Variants in HOMER2 observed in about 807,000 individuals in gnomAD.
The protein encoded by HOMER2 is homer protein homolog 2.
Under a neutral mutation model 47.0 loss-of-function variants are expected in HOMER2, and 27 were observed. The observed-to-expected ratio is 0.57, with a 90% CI of 0.42 to 0.79. The LOEUF (loss-of-function observed/expected upper bound fraction) is 0.79. Ranked by LOEUF, HOMER2 falls within the 30% of genes least tolerant of loss-of-function variation. The pLI is 0.00. For synonymous variants in HOMER2, 161 were observed against 163.8 expected (o/e 0.98, Z 0.13); for missense variants, 443 against 435.0 (o/e 1.02, Z -0.16).
intron 3 of HOMER2, among the ~76,000 whole-genome samples, chr15:82,873,369 A>C (rs1311857970): frequency 1.3e-5 from 2 of 152,170 alleles, no homozygotes; most frequent in African/African-American, 2.4e-5. Context: ...GTCCCACATG[A>C]CACTGCTTCA....
At chr15:82,903,262 G>A (rs1165324241) in intron 1 of HOMER2, among the ~76,000 whole-genome samples, 3 of 152,116 alleles carry the variant, frequency 2.0e-5, no homozygotes, top group African/African-American at 7.2e-5. Flanking sequence ...ATGGCGTCGG[G>A]AGCATTTCCA....
intron 1 of HOMER2, among the ~76,000 whole-genome samples, chr15:82,905,602 A>G (rs1248457189): frequency 6.6e-6 from 1 of 152,248 alleles, no homozygotes; most frequent in East Asian, 1.9e-4. Flanking sequence ...CTACAAAGGA[A>G]CAAAGATAAG....
chr15:82,880,154 A>G (rs1238756033), intron 2 of HOMER2, among the ~76,000 whole-genome samples: 8 of 152,218 alleles, frequency 5.3e-5, no homozygotes, highest in Admixed American at 4.6e-4. Flanking sequence ...TTTTGTAATT[A>G]AAGTTTTATT....
At chr15:82,875,516 C>T in intron 2 of HOMER2, 112 bp from the exon 3 acceptor site, 1 of 1,170,182 alleles carries the variant, frequency 8.5e-7, no homozygotes, top group Non-Finnish European at 1.2e-6. Flanking sequence ...ATCCTCTGCC[C>T]TGTTAAATTT....
intron 2 of HOMER2, among the ~76,000 whole-genome samples, chr15:82,878,565 A>AT (rs1261154349): frequency 6.6e-6 from 1 of 152,176 alleles, no homozygotes; most frequent in Non-Finnish European, 1.5e-5. Flanking sequence ...CTCCATGAAT[A>AT]TTGCTTCCGC....
chr15:82,976,364 C>CTT (rs934619158), intron 1 of HOMER2, among the ~76,000 whole-genome samples: 1 of 152,058 alleles, frequency 6.6e-6, no homozygotes, highest in African/African-American at 2.4e-5. Context: ...GTGGTGCAAT[C>CTT]TCAGCTCATT....
At chr15:82,896,873 G>A (rs2052939701) in intron 1 of HOMER2, among the ~76,000 whole-genome samples, 1 of 152,038 alleles carries the variant, frequency 6.6e-6, no homozygotes, top group Admixed American at 6.6e-5. Flanking sequence ...AAAAAGAAAG[G>A]CAAGGAGAAG....
At chr15:82,895,864 G>C (rs1268271490) in intron 1 of HOMER2, among the ~76,000 whole-genome samples, 1 of 152,156 alleles carries the variant, frequency 6.6e-6, no homozygotes, top group East Asian at 1.9e-4. Flanking sequence ...CTTGAACCTG[G>C]CTCTCCAAGG....
intron 1 of HOMER2, among the ~76,000 whole-genome samples, chr15:82,943,393 G>A (rs1213509474): frequency 6.6e-6 from 1 of 152,138 alleles, no homozygotes; most frequent in Non-Finnish European, 1.5e-5. Context: ...CCACTTGGAG[G>A]AGTTAGAGAG....
intron 1 of HOMER2, among the ~76,000 whole-genome samples, chr15:82,984,091 G>A (rs2030497725): frequency 6.7e-6 from 1 of 149,018 alleles, no homozygotes. Flanking sequence ...GGAGTGCAGT[G>A]GCGCAATCTC....
At chr15:82,962,667 ACT>A (rs1455217897) in intron 1 of HOMER2, among the ~76,000 whole-genome samples, 1 of 151,872 alleles carries the variant, frequency 6.6e-6, no homozygotes, top group East Asian at 1.9e-4. Flanking sequence ...ACAGAGTGAG[ACT>A]CTGTCTCAAA....
chr15:82,969,057 C>A (rs2029897110), intron 1 of HOMER2, among the ~76,000 whole-genome samples: 1 of 152,178 alleles, frequency 6.6e-6, no homozygotes, highest in Non-Finnish European at 1.5e-5. Flanking sequence ...AAGGGATTCT[C>A]ATTGAGGAAA....
intron 2 of HOMER2, among the ~76,000 whole-genome samples, chr15:82,876,329 TATTC>T (rs922271898): frequency 3.3e-5 from 5 of 152,256 alleles, no homozygotes; most frequent in Non-Finnish European, 7.3e-5. Flanking sequence ...ATGGTACTTT[TATTC>T]ATTCAAACAT....
chr15:82,847,646 C>T (rs1253962100), downstream of HOMER2, among the ~76,000 whole-genome samples: 3 of 152,212 alleles, frequency 2.0e-5, no homozygotes, highest in African/African-American at 7.2e-5. Context: ...ATGCATGTCA[C>T]CTGAGCATTC....
At chr15:82,872,164 G>C (rs1012874493) in intron 3 of HOMER2, among the ~76,000 whole-genome samples, 1 of 152,172 alleles carries the variant, frequency 6.6e-6, no homozygotes, top group African/African-American at 2.4e-5. Flanking sequence ...GACCACTTCA[G>C]GAGGGAAAGA....
At chr15:82,920,104 G>A (rs965491581) in intron 1 of HOMER2, among the ~76,000 whole-genome samples, 1 of 152,130 alleles carries the variant, frequency 6.6e-6, no homozygotes, top group African/African-American at 2.4e-5. Context: ...ATGCTTCTGA[G>A]GCCCATTCAT....
intron 1 of HOMER2, among the ~76,000 whole-genome samples, chr15:82,917,887 T>C (rs1404069042): frequency 6.6e-6 from 1 of 152,064 alleles, no homozygotes; most frequent in Non-Finnish European, 1.5e-5. Context: ...AGGGCAAAAG[T>C]GAAATCAACC....
intron 6 of HOMER2, 176 bp from the exon 7 acceptor site, chr15:82,852,428 T>A: frequency 1.8e-6 from 1 of 561,348 alleles, no homozygotes; most frequent in East Asian, 3.1e-5. Context: ...TGGGGCTGCC[T>A]GCACCGCTTG....
rs1198788826 is a variant in HOMER2, at chr15:82,943,310, C to T, written c.5+9221G>A. Among the ~76,000 whole-genome samples, 3 of 152,174 alleles carry T rather than the reference C, an allele frequency of 2.0e-5. No homozygotes were observed. In the East Asian group the frequency reaches 5.8e-4, roughly 29 times the overall value. ...TGGGGCTTGAGCTGTATGTGCTTAA[C>T]CAGCCTTCCCAGCTCCCACAACCAA... On this transcript the variant is annotated intron_variant, in intron 1 of 8. Transcript: ENST00000450735.
Sources: allele counts gnomAD v4.1 joint callset (sites outside exome capture counted in the v4.1 genomes callset), GRCh38; gene constraint gnomAD v4.1.1; transcripts MANE v1.5; gene names NCBI Gene and HGNC (gene_info 2026-07-23, HGNC 2026-07-21).